VN1R4: variants seen among roughly 807,000 people sequenced by gnomAD.
VN1R4 encodes the protein vomeronasal type-1 receptor 4.
For missense variants in VN1R4, 291 were observed against 364.2 expected, an observed-to-expected ratio of 0.80 and a Z score of 1.64; for synonymous variants, 97 against 138.8, an observed-to-expected ratio of 0.70 and a Z score of 2.12.
chr19:53,266,739 T>G (rs2091349716), exon 1 of VN1R4: 1 of 1,569,016 alleles, frequency 6.4e-7, no homozygotes, highest in African/African-American at 1.4e-5. Context: ...TACATGTTTA[T>G]GATGAGGTTA....
At chr19:53,267,302 T>C in exon 1 of VN1R4, 1 of 1,614,034 alleles carries the variant, frequency 6.2e-7, no homozygotes, top group Non-Finnish European at 8.5e-7. Flanking sequence ...TTGGGGGCTT[T>C]CTCTTTAAGT....
At chr19:53,266,939 C>A (rs755942062) in exon 1 of VN1R4, 15 of 1,613,342 alleles carry the variant, frequency 9.3e-6, no homozygotes, top group African/African-American at 6.7e-5. Flanking sequence ...TAAGAAGACA[C>A]AAAGGTGCTC....
In VN1R4 at chr19:53,267,654, C is replaced by T. The variant is rs758242974; in HGVS notation, c.12G>A (p.Arg4=). Residue 4 remains arginine, a synonymous_variant, in exon 1 of 1, where the codon CGG becomes CGA. Coordinates refer to ENST00000311170, the Ensembl canonical transcript of VN1R4. ...ATAAGATCATTCCCACTGCCACATACCGGGAGGCCATTCTGCCACTGATGT... is the reference window on the plus strand; with the variant it reads ...ATAAGATCATTCCCACTGCCACATATCGGGAGGCCATTCTGCCACTGATGT... 21 of 1,588,818 alleles carry T rather than the reference C, an allele frequency of 1.3e-5. No individual in the cohort carries two copies. In the African/African-American group the frequency reaches 2.6e-4, roughly 19 times the overall value.
exon 1 of VN1R4, chr19:53,267,529 A>G (rs755559929): frequency 6.2e-7 from 1 of 1,614,072 alleles, no homozygotes; most frequent in Non-Finnish European, 8.5e-7. Context: ...CAGGTGCTTA[A>G]CAATCAAATC....
exon 1 of VN1R4, chr19:53,267,451 C>G (rs566861600): frequency 3.1e-6 from 5 of 1,614,198 alleles, no homozygotes; most frequent in African/African-American, 1.3e-5. Context: ...GAGAAAATAT[C>G]TAACCCCAAA....
At position 53,266,833 on chromosome 19, in the gene VN1R4, G is replaced by A. The variant is rs749393659; in HGVS notation, c.833C>T (p.Pro278Leu). Residue 278 changes from proline (P) to leucine (L), a missense_variant, in exon 1 of 1, where the codon CCA becomes CTA. Physicochemically the swap from Pro to Leu is moderately conservative, Grantham distance 98 (BLOSUM62 -3). Coordinates refer to ENST00000311170, the Ensembl canonical transcript of VN1R4. ...CATGAGAACAAAGGGGCTGAGAGTT[G>A]GGAAACATACACTCATTAAGGCTGA... 2.5e-6 allele frequency: 4 copies of A among 1,614,028 alleles called. No homozygotes were observed. The Admixed American group carries it at 6.7e-5, about 27-fold the overall frequency.
rs752787011 is a variant in VN1R4, at chr19:53,267,019, A to G, written c.647T>C (p.Ile216Thr). 25 of 1,611,504 alleles carry G rather than the reference A, an allele frequency of 1.6e-5. No individual in the cohort carries two copies. In the South Asian group the frequency reaches 2.8e-4, roughly 18 times the overall value. ...TCTGGGGGAGAGATTGCTCCTATCA[A>G]TGTGCTGGACCCGCTGCTTGTGCCT... The change falls in exon 1 of 1, where the codon ATT becomes ACT. Residue 216 changes from isoleucine (I) to threonine (T), a missense_variant. Transcript: ENST00000311170.
chr19:53,267,691 G>A, exon 1 of VN1R4: 1 of 1,548,114 alleles, frequency 6.5e-7, no homozygotes, highest in Non-Finnish European at 8.7e-7. Context: ...TGTCACTGAT[G>A]TTTGTCTTCA....
At position 53,267,007 on chromosome 19, in the gene VN1R4, T is replaced by C. The variant is rs753745277; in HGVS notation, c.659A>G (p.Asn220Ser). 23 of 1,603,080 alleles carry C rather than the reference T, an allele frequency of 1.4e-5. No individual in the cohort carries two copies. In the South Asian group the frequency reaches 2.6e-4, roughly 18 times the overall value. ...CTCTGGGGAGGCTCTGGGGGAGAGATTGCTCCTATCAATGTGCTGGACCCG... is the reference window on the plus strand; with the variant it reads ...CTCTGGGGAGGCTCTGGGGGAGAGACTGCTCCTATCAATGTGCTGGACCCG... The change falls in exon 1 of 1, where the codon AAT (asparagine) becomes AGT (serine). Residue 220 changes from asparagine (N) to serine (S), a missense_variant. By Grantham distance (46) the Asn-to-Ser change is conservative (BLOSUM62 1). Coordinates refer to ENST00000311170, the Ensembl canonical transcript of VN1R4.
rs780039868 is a variant in VN1R4, at chr19:53,266,944, G to C, written c.722C>G (p.Thr241Ser). Reference sequence around the variant, plus strand: ...GGAGAGAGTGTAAGAAGACACAAAGGTGCTCACCAGGATGAGGATGCTCTG... The same window carrying C: ...GGAGAGAGTGTAAGAAGACACAAAGCTGCTCACCAGGATGAGGATGCTCTG... Residue 241 changes from threonine (T) to serine (S), a missense_variant, in exon 1 of 1, where the codon ACC (threonine) becomes AGC (serine). Thr to Ser is a moderately conservative substitution (Grantham distance 58, BLOSUM62 1). Coordinates refer to ENST00000311170, the Ensembl canonical transcript of VN1R4. The C allele has an allele frequency of 1.4e-5, 22 of 1,613,192 alleles. No individual in the cohort carries two copies. In the Admixed American group the frequency reaches 1.7e-4, roughly 12 times the overall value.
At position 53,266,749 on chromosome 19, in the gene VN1R4, AGGAG is replaced by A. The variant is rs764283937; in HGVS notation, c.*7_*10del. On this transcript the variant is annotated 3_prime_UTR_variant, in exon 1 of 1. Transcript: ENST00000311170. ...CAATGTACATGTTTATGATGAGGTTAGGAGATCTTGTCATCTTTTCCAGGCAAAA... is the reference window on the plus strand; with the variant it reads ...CAATGTACATGTTTATGATGAGGTTAATCTTGTCATCTTTTCCAGGCAAAA... 19 of 1,591,276 alleles carry A rather than the reference AGGAG, an allele frequency of 1.2e-5. 1 individual carries two copies. The Admixed American group carries it at 1.6e-4, about 13-fold the overall frequency.
At chr19:53,267,619 A>G (rs763293991) in exon 1 of VN1R4, 3 of 1,612,738 alleles carry the variant, frequency 1.9e-6, no homozygotes, top group Non-Finnish European at 2.5e-6. Flanking sequence ...GACTCCCACC[A>G]CGGTCTGTGA....
In VN1R4 at chr19:53,266,798, G is replaced by A. The variant is rs1159885027; in HGVS notation, c.868C>T (p.Pro290Ser). The change falls in exon 1 of 1, where the codon CCC becomes TCC. Residue 290 changes from proline to serine, a missense_variant. Transcript: ENST00000311170. ...GCAAAACAAAACCTGTATACACTGG[G>A]GTCACAGCTCATGAGAACAAAGGGG... 2.5e-6 allele frequency: 4 copies of A among 1,613,576 alleles called. No homozygotes were observed. The African/African-American group carries it at 4.0e-5, about 16-fold the overall frequency.
At chr19:53,267,360 A>C (rs1338234236) in exon 1 of VN1R4, 1 of 1,613,798 alleles carries the variant, frequency 6.2e-7, no homozygotes. Flanking sequence ...CCTGGAAGAC[A>C]CTCAAGAGGC....
exon 1 of VN1R4, chr19:53,266,784 C>A: frequency 6.2e-7 from 1 of 1,611,110 alleles, no homozygotes; most frequent in East Asian, 2.2e-5. Flanking sequence ...CAAAACAAAA[C>A]CTGTATACAC....
At chr19:53,267,432 A>G (rs765682833) in exon 1 of VN1R4, 1 of 1,614,216 alleles carries the variant, frequency 6.2e-7, no homozygotes, top group South Asian at 1.1e-5. Context: ...GTTTGCACCC[A>G]AGAGCATTGA....
the VN1R4 span, chr19:53,266,778 A>T: frequency 6.2e-7 from 1 of 1,605,358 alleles, no homozygotes; most frequent in Non-Finnish European, 8.5e-7. Context: ...TCCAGGCAAA[A>T]CAAAACCTGT....
exon 1 of VN1R4, chr19:53,267,107 G>A (rs1486169653): frequency 6.2e-7 from 1 of 1,612,938 alleles, no homozygotes; most frequent in Non-Finnish European, 8.5e-7. Flanking sequence ...AACACATCAG[G>A]GAATGATAAC....
At chr19:53,266,694 G>A in exon 1 of VN1R4, 1 of 1,450,276 alleles carries the variant, frequency 6.9e-7, no homozygotes, top group Admixed American at 2.3e-5. Flanking sequence ...AGAAGAGTAA[G>A]TCATCAATTG....
Sources: gnomAD v4.1 joint callset for allele counts on GRCh38, gnomAD v4.1.1 for gene constraint, MANE v1.5 for transcripts, NCBI Gene and HGNC (gene_info 2026-07-23, HGNC 2026-07-21) for gene names.